Variants in PCDHGA6 observed in about 807,000 individuals in gnomAD.
The protein encoded by PCDHGA6 is protocadherin gamma-A6.
PCDHGA6 carries 41 observed loss-of-function variants against 60.6 expected under a neutral mutation model. That is an observed-to-expected ratio of 0.68 (90% CI 0.53 to 0.88). PCDHGA6 has a LOEUF of 0.88. PCDHGA6 is among the 40% of genes least tolerant of loss of function. PCDHGA6 has a pLI of 0.00. For synonymous variants in PCDHGA6, 594 were observed against 524.4 expected (o/e 1.13, Z -1.81); for missense variants, 1,312 against 1,203.0 (o/e 1.09, Z -1.34).
chr5:141,408,617 C>T (rs2095139011), intron 1 of PCDHGA6: 2 of 1,614,004 alleles, frequency 1.2e-6, no homozygotes, highest in African/African-American at 2.7e-5. Flanking sequence ...AAAGGAAATA[C>T]ATTTAGAAAT....
chr5:141,389,361 G>T (rs1460945767), intron 1 of PCDHGA6: 1 of 1,613,880 alleles, frequency 6.2e-7, no homozygotes, highest in South Asian at 1.1e-5. Context: ...CATGGCCAGT[G>T]ACCTGGAGCA....
At chr5:141,464,009 T>C (rs1187492781) in intron 1 of PCDHGA6, among the ~76,000 whole-genome samples, 1 of 151,950 alleles carries the variant, frequency 6.6e-6, no homozygotes. Context: ...CTCATGCTTG[T>C]AATCCCACAC....
chr5:141,374,626 C>G lies in PCDHGA6; in HGVS notation c.543C>G (p.Asp181Glu), dbSNP rs748933501. The change falls in exon 1 of 4, where the codon GAC (aspartate) becomes GAG (glutamate). Residue 181 changes from aspartate to glutamate, a missense_variant. Physicochemically the swap from Asp to Glu is conservative, Grantham distance 45 (BLOSUM62 2). Transcript: ENST00000517434. ...GTGGTAATAGTCACTTCTCAGTGGA[C>G]GTGCAAAGCGAAGCCCATGGGCCCA... ...KLSGNSHFSV[D>E]VQSEAHGPKY... 9.9e-6 allele frequency: 16 copies of G among 1,613,226 alleles called. No homozygotes were observed. The highest frequency in any genetic ancestry group is 1.7e-5 in the Admixed American group (1 of 59,942).
At position 141,431,108 on chromosome 5, in the gene PCDHGA6, T is replaced by C; in HGVS notation, c.2424+54601T>C. 1 of 1,614,180 alleles carries C rather than the reference T, an allele frequency of 6.2e-7. No homozygotes were observed. The highest frequency in any genetic ancestry group is 8.5e-7 in the Non-Finnish European group (1 of 1,180,032). On this transcript the variant is annotated intron_variant, in intron 1 of 3. Coordinates refer to ENST00000517434, the MANE Select transcript of PCDHGA6 (RefSeq NM_018919.3). This position sits in a 1 kb window ranked among gnomAD's most constrained non-coding sequence, Gnocchi z 4.8. ...TCTGATGGAGGATAAAGTGAAAATATATGGAGTAGAAGTAGAAGTAAGGGA... is the reference window on the plus strand; with the variant it reads ...TCTGATGGAGGATAAAGTGAAAATACATGGAGTAGAAGTAGAAGTAAGGGA...
intron 1 of PCDHGA6, chr5:141,427,653 G>A (rs1221862562): frequency 4.1e-6 from 3 of 725,570 alleles, no homozygotes; most frequent in Non-Finnish European, 4.9e-6. Flanking sequence ...CTCCTACGTG[G>A]TCCACGTGGC....
Position 141,422,497 on chromosome 5 carries a change from A to G in PCDHGA6, c.2424+45990A>G, listed in dbSNP as rs1257927470. 1.9e-6 allele frequency: 3 copies of G among 1,613,874 alleles called. No homozygotes were observed. In the African/African-American group the frequency reaches 4.0e-5, roughly 22 times the overall value. On this transcript the variant is annotated intron_variant, in intron 1 of 3. Transcript: ENST00000517434. Reference sequence around the variant, plus strand: ...GGTCCAGAGCTACAATATAACGTTGACAGCCACAGACCAGGGAAGCCCGCC... The same window carrying G: ...GGTCCAGAGCTACAATATAACGTTGGCAGCCACAGACCAGGGAAGCCCGCC...
intron 1 of PCDHGA6, chr5:141,408,432 T>C (rs370073451): frequency 3.1e-6 from 5 of 1,613,972 alleles, no homozygotes; most frequent in Non-Finnish European, 4.2e-6. Flanking sequence ...CACTTCAGCG[T>C]AGACGCGGAG....
In PCDHGA6 at chr5:141,491,996, G is replaced by T; in HGVS notation, c.2425-2811G>T. ...TCCTTCGAGCTTCCGGTGAATTTCG[G>T]GCGATTTCCGCGGGTGTCGGGGGTC... is the stretch of plus-strand genomic sequence containing the variant. On this transcript the variant is annotated intron_variant, in intron 1 of 3. Coordinates refer to ENST00000517434, the MANE Select transcript of PCDHGA6 (RefSeq NM_018919.3). This position sits in a 1 kb window ranked among gnomAD's most constrained non-coding sequence, Gnocchi z 6.9. The T allele has an allele frequency of 2.9e-6, 2 of 686,328 alleles. No individual in the cohort carries two copies. Among genetic ancestry groups the T allele is most frequent in the Non-Finnish European group, 4.5e-6 (2 of 441,080 alleles). 42.5% of individuals were successfully genotyped at this position (686,328 alleles called of 1,614,324 possible). A position where few individuals can be genotyped will look rare whatever the true frequency, so the allele number is the denominator to read the frequency against.
chr5:141,376,255 G>C lies in PCDHGA6; in HGVS notation c.2172G>C (p.Leu724=). 6.2e-7 allele frequency: 1 copy of C among 1,614,256 alleles called. No homozygotes were observed. Among genetic ancestry groups the C allele is most frequent in the Non-Finnish European group, 8.5e-7 (1 of 1,180,050 alleles). Residue 724 remains leucine (L), a synonymous_variant, in exon 1 of 4, where the codon CTG becomes CTC. Transcript: ENST00000517434. Reference sequence around the variant, plus strand: ...TGCAGCGCTGGCACAAGTCACGCCTGCTGCAGGCTTCGGGAGGTGGCTTAG... The same window carrying C: ...TGCAGCGCTGGCACAAGTCACGCCTCCTGCAGGCTTCGGGAGGTGGCTTAG... ...LRLQRWHKSR[L]LQASGGGLAS...
intron 1 of PCDHGA6, among the ~76,000 whole-genome samples, chr5:141,488,802 A>G (rs910422824): frequency 2.0e-5 from 3 of 152,294 alleles, no homozygotes; most frequent in Middle Eastern, 3.4e-3. Flanking sequence ...CCTGTTGAGT[A>G]CCATCTGAGC....
chr5:141,424,023 A>G (rs1391381195), intron 1 of PCDHGA6: 1 of 1,047,166 alleles, frequency 9.5e-7, no homozygotes, highest in Non-Finnish European at 1.2e-6. Context: ...TGATTCACAA[A>G]CACTTTTTAT....
intron 1 of PCDHGA6, chr5:141,413,638 C>T (rs768604791): frequency 4.8e-5 from 78 of 1,613,686 alleles, no homozygotes; most frequent in Middle Eastern, 1.6e-4. Flanking sequence ...TGCGGGAATG[C>T]GTTTTCCTCT....
intron 2 of PCDHGA6, among the ~76,000 whole-genome samples, 170 bp from the exon 3 acceptor site, chr5:141,505,223 A>G (rs746167057): frequency 1.9e-4 from 29 of 152,176 alleles, no homozygotes; most frequent in Admixed American, 6.5e-5. Flanking sequence ...GACTTGTGGG[A>G]TTCTGGCTTC....
rs777568111 is a variant in PCDHGA6 at position 141,404,292 on chromosome 5, A to G, written c.2424+27785A>G. On this transcript the variant is annotated intron_variant, in intron 1 of 3. Coordinates refer to ENST00000517434, the MANE Select transcript of PCDHGA6 (RefSeq NM_018919.3). ...ACCCTGCAAGTGACTGACATCAATG[A>G]TAATCCACCTGCTTTCTCTCAAGCC... 2.5e-6 allele frequency: 4 copies of G among 1,613,864 alleles called. No homozygotes were observed. Among genetic ancestry groups the G allele is most frequent in the South Asian group, 1.1e-5 (1 of 91,082 alleles).
At chr5:141,380,599 A>G (rs1427125974) in intron 1 of PCDHGA6, among the ~76,000 whole-genome samples, 3 of 152,234 alleles carry the variant, frequency 2.0e-5, no homozygotes, top group Non-Finnish European at 2.9e-5. Context: ...GATCTTTAAT[A>G]TTTAATTTTA....
chr5:141,499,402 A>G (rs2099791723), intron 2 of PCDHGA6, among the ~76,000 whole-genome samples: 2 of 152,212 alleles, frequency 1.3e-5, no homozygotes, highest in South Asian at 4.1e-4. Context: ...GTACATGCTC[A>G]TTATAGAAAC....
In PCDHGA6 at chr5:141,477,041, C is replaced by A; in HGVS notation, c.2425-17766C>A. 3 of 1,614,242 alleles carry A rather than the reference C, an allele frequency of 1.9e-6. No individual in the cohort carries two copies. Among genetic ancestry groups the A allele is most frequent in the Admixed American group, 1.7e-5 (1 of 60,036 alleles). Reference sequence around the variant, plus strand: ...AACCGGGATGCTGACAATCAAGGGTCGGCTGGACTTCGAGGACACCAAACT... The same window carrying A: ...AACCGGGATGCTGACAATCAAGGGTAGGCTGGACTTCGAGGACACCAAACT... On this transcript the variant is annotated intron_variant, in intron 1 of 3. Transcript: ENST00000517434. The surrounding 1 kb of genome is among the most constrained non-coding windows in gnomAD (Gnocchi z 4.9).
chr5:141,506,435 G>A (rs1470687416), intron 3 of PCDHGA6, among the ~76,000 whole-genome samples: 7 of 126,234 alleles, frequency 5.5e-5, no homozygotes, highest in African/African-American at 2.0e-4. Context: ...CAACAGTCTC[G>A]CTCTGTCTCA....
At chr5:141,464,056 G>C (rs2154568334) in intron 1 of PCDHGA6, among the ~76,000 whole-genome samples, 1 of 152,210 alleles carries the variant, frequency 6.6e-6, no homozygotes, top group East Asian at 1.9e-4. Context: ...CCTGAGGTCA[G>C]GAGTTCAAGG....
Sources: gnomAD v4.1 joint callset for allele counts (sites outside exome capture counted in the v4.1 genomes callset) on GRCh38, gnomAD v4.1.1 for gene constraint, Gnocchi (gnomAD v3.1) non-coding constraint, MANE v1.5 for transcripts, NCBI Gene and HGNC (gene_info 2026-07-23, HGNC 2026-07-21) for gene names.